Variants in FUBP3 observed in about 807,000 individuals in gnomAD.
The protein encoded by FUBP3 is far upstream element binding protein 3, also known as far upstream element-binding protein 3.
In FUBP3, 28 loss-of-function variants were observed where a neutral mutation model predicts 85.6. The observed-to-expected ratio is 0.33, with a 90% CI of 0.24 to 0.45. FUBP3 has a LOEUF of 0.45. Ranked by LOEUF, FUBP3 falls within the 20% of genes least tolerant of loss-of-function variation. The probability of loss-of-function intolerance (pLI) is 1.00; values close to 1 mark genes in which losing one functional copy is unlikely to be tolerated. For synonymous variants in FUBP3, 271 were observed against 271.4 expected (o/e 1.00, Z 0.01); for missense variants, 583 against 755.1 (o/e 0.77, Z 2.67).
At chr9:130,589,970 C>T (rs1044530695) in intron 1 of FUBP3, among the ~76,000 whole-genome samples, 1 of 147,862 alleles carries the variant, frequency 6.8e-6, no homozygotes, top group African/African-American at 2.5e-5. Flanking sequence ...CCTACCCCAG[C>T]CTTCCAAGTG....
chr9:130,626,249 G>A, intron 11 of FUBP3, 115 bp from the exon 12 acceptor site: 1 of 1,073,342 alleles, frequency 9.3e-7, no homozygotes, highest in Non-Finnish European at 1.3e-6. Context: ...AAAGGTGCTA[G>A]GTTCTGATGG....
intron 1 of FUBP3, among the ~76,000 whole-genome samples, chr9:130,583,602 C>T (rs1830220873): frequency 6.6e-6 from 1 of 152,156 alleles, no homozygotes; most frequent in Admixed American, 6.5e-5. Context: ...CCTGCCTGTA[C>T]ACTCATTTTA....
In FUBP3 at chr9:130,603,365, A is replaced by AC. The variant is rs1554738559; in HGVS notation, c.191-6589_191-6588insC. ...CTGTCTCCAAAAAAAAAAAAAAAAA[A>AC]AAACAAATAGTGAAGGGGACAGGGT... On this transcript the variant is annotated intron_variant, in intron 2 of 18. Transcript: ENST00000319725. Among the ~76,000 whole-genome samples the AC allele has an allele frequency of 4.7e-4, 46 of 98,442 alleles. 1 individual carries two copies. Among genetic ancestry groups the AC allele is most frequent in the Non-Finnish European group, 7.9e-4 (40 of 50,478 alleles). The allele number at this position is 98,442 out of a possible 152,430, so 64.6% of individuals were successfully genotyped here.
At chr9:130,584,335 C>T (rs540294244) in intron 1 of FUBP3, among the ~76,000 whole-genome samples, 49 of 151,940 alleles carry the variant, frequency 3.2e-4, no homozygotes, top group Middle Eastern at 6.9e-3. Context: ...CGAGACCAGC[C>T]TGGTCAACGT....
intron 11 of FUBP3, 57 bp downstream of exon 11, chr9:130,623,768 C>A: frequency 1.7e-6 from 2 of 1,186,502 alleles, no homozygotes; most frequent in South Asian, 1.2e-5. Context: ...AAAGTGCTAC[C>A]CGGGGCTCTC....
At chr9:130,608,823 G>A (rs549208219) in intron 2 of FUBP3, among the ~76,000 whole-genome samples, 9 of 152,170 alleles carry the variant, frequency 5.9e-5, no homozygotes, top group Admixed American at 2.6e-4. Flanking sequence ...TAAATGTCAC[G>A]GTCTGCTTTT....
chr9:130,611,805 TA>T (rs56793322), intron 3 of FUBP3, among the ~76,000 whole-genome samples: 213 of 144,458 alleles, frequency 1.5e-3, no homozygotes, highest in Non-Finnish European at 1.8e-3. Flanking sequence ...AGTAGTAGTT[TA>T]AAAAAAAAAA....
intron 1 of FUBP3, among the ~76,000 whole-genome samples, chr9:130,591,009 GT>G (rs905903196): frequency 2.4e-5 from 2 of 82,364 alleles, no homozygotes; most frequent in South Asian, 3.9e-4. Flanking sequence ...GTTTTTGTTT[GT>G]TTTTGTTTTT....
intron 12 of FUBP3, among the ~76,000 whole-genome samples, chr9:130,630,020 T>G (rs1284644262): frequency 6.6e-6 from 1 of 152,258 alleles, no homozygotes; most frequent in Non-Finnish European, 1.5e-5. Flanking sequence ...CCCAGGTCTT[T>G]GTGACCTCCA....
chr9:130,634,622 G>C, intron 16 of FUBP3, 45 bp from the exon 17 acceptor site: 1 of 1,551,276 alleles, frequency 6.4e-7, no homozygotes, highest in Non-Finnish European at 8.8e-7. Flanking sequence ...GGCCGAGGCT[G>C]TGAGGAGCCC....
At chr9:130,634,944 C>T (rs1435875484) in intron 17 of FUBP3, among the ~76,000 whole-genome samples, 2 of 152,208 alleles carry the variant, frequency 1.3e-5, no homozygotes, top group African/African-American at 2.4e-5. Flanking sequence ...CCACAGGCTG[C>T]CCTGCGACTC....
At chr9:130,600,945 C>T (rs555300207) in intron 2 of FUBP3, among the ~76,000 whole-genome samples, 10 of 152,142 alleles carry the variant, frequency 6.6e-5, no homozygotes, top group East Asian at 2.0e-4. Flanking sequence ...CACTGCACTC[C>T]GCTTGGGTGA....
chr9:130,589,431 C>T (rs1203139327), intron 1 of FUBP3, among the ~76,000 whole-genome samples: 2 of 150,706 alleles, frequency 1.3e-5, no homozygotes, highest in Non-Finnish European at 2.9e-5. Flanking sequence ...GCAAGCTCCA[C>T]CTCCTGGGTT....
chr9:130,613,946 C>T (rs1831874865), intron 5 of FUBP3, among the ~76,000 whole-genome samples: 1 of 152,188 alleles, frequency 6.6e-6, no homozygotes, highest in Non-Finnish European at 1.5e-5. Flanking sequence ...GACCATTAAA[C>T]TACAAATGGA....
intron 2 of FUBP3, among the ~76,000 whole-genome samples, chr9:130,603,850 C>G (rs989003995): frequency 7.2e-5 from 11 of 152,134 alleles, no homozygotes; most frequent in Non-Finnish European, 1.5e-4. Flanking sequence ...TTGGGAGTGT[C>G]ACAAAACTAA....
chr9:130,579,642 G>C lies in FUBP3; in HGVS notation c.-39G>C. On this transcript the variant is annotated 5_prime_UTR_variant, in exon 1 of 19. Transcript: ENST00000319725. ...ACCGGGGAGCCGAGCGGCGGCGTCG[G>C]CGGCGTCGGCGGCGGCGGCGACGGC... is the stretch of plus-strand genomic sequence containing the variant. 8.4e-7 allele frequency: 1 copy of C among 1,196,468 alleles called. No homozygotes were observed. The highest frequency in any genetic ancestry group is 1.0e-6 in the Non-Finnish European group (1 of 953,568). 74.1% of individuals were successfully genotyped at this position (1,196,468 alleles called of 1,614,324 possible). A position where few individuals can be genotyped will look rare whatever the true frequency, so the allele number is the denominator to read the frequency against.
chr9:130,623,310 G>C (rs992461236), intron 10 of FUBP3, among the ~76,000 whole-genome samples: 1 of 152,166 alleles, frequency 6.6e-6, no homozygotes. Flanking sequence ...TGTTGCCATA[G>C]CTCTGCTCTG....
At chr9:130,636,347 G>T in intron 18 of FUBP3, 1 of 651,898 alleles carries the variant, frequency 1.5e-6, no homozygotes. Flanking sequence ...GGAGGATTGG[G>T]GGCGCAGCCC....
intron 9 of FUBP3, among the ~76,000 whole-genome samples, chr9:130,620,881 G>T (rs1305673761): frequency 1.3e-5 from 2 of 152,200 alleles, no homozygotes; most frequent in African/African-American, 2.4e-5. Flanking sequence ...AGTATGCTCA[G>T]TGCAATAAGA....
Sources: allele counts gnomAD v4.1 joint callset (sites outside exome capture counted in the v4.1 genomes callset), GRCh38; gene constraint gnomAD v4.1.1; transcripts MANE v1.5; gene names NCBI Gene and HGNC (gene_info 2026-07-23, HGNC 2026-07-21).